Variants in MED12L observed in about 807,000 individuals in gnomAD.
The protein encoded by MED12L is mediator of RNA polymerase II transcription subunit 12-like protein.
Under a neutral mutation model 281.3 loss-of-function variants are expected in MED12L, and 60 were observed. The observed-to-expected ratio is 0.21, with a 90% CI of 0.17 to 0.26. The LOEUF is 0.26. Among genes scored for constraint, MED12L ranks in the 10% least tolerant of loss-of-function variants. MED12L has a pLI of 1.00. For synonymous variants in MED12L, 974 were observed against 987.2 expected (o/e 0.99, Z 0.25); for missense variants, 2,146 against 2,680.9 (o/e 0.80, Z 4.41).
chr3:151,096,612 G>A (rs556660107), intron 2 of MED12L, among the ~76,000 whole-genome samples: 1 of 152,264 alleles, frequency 6.6e-6, no homozygotes, highest in South Asian at 2.1e-4. Context: ...GAAGAAGCCT[G>A]TTCTGTTTTG....
chr3:151,285,574 G>T (rs906453961), intron 16 of MED12L, among the ~76,000 whole-genome samples: 3 of 151,820 alleles, frequency 2.0e-5, no homozygotes, highest in Non-Finnish European at 4.4e-5. Flanking sequence ...CTACACATTG[G>T]GTACATTGTA....
chr3:151,387,943 A>G lies in MED12L; in HGVS notation c.5222A>G (p.Gln1741Arg). The G allele has an allele frequency of 1.2e-6, 2 of 1,614,068 alleles. No individual in the cohort carries two copies. The highest frequency in any genetic ancestry group is 1.7e-6 in the Non-Finnish European group (2 of 1,179,996). ...CGAAGAGTGATCAAGTACGAGGAGC[A>G]GCATCACCTCCTGCTGTATCACACA... ...VDRRVIKYEE[Q>R]HHLLLYHTHP... Residue 1741 changes from glutamine (Q) to arginine (R), a missense_variant, in exon 37 of 45, where the codon CAG becomes CGG. Gln to Arg is a conservative substitution (Grantham distance 43). Transcript: ENST00000687756.
chr3:151,265,432 C>T (rs986895884), intron 16 of MED12L, among the ~76,000 whole-genome samples: 2 of 152,126 alleles, frequency 1.3e-5, no homozygotes, highest in Admixed American at 1.3e-4. Flanking sequence ...TCATTATCTT[C>T]TGCTTCTTTA....
chr3:151,260,335 T>G (rs1738624257), intron 16 of MED12L, among the ~76,000 whole-genome samples: 1 of 152,166 alleles, frequency 6.6e-6, no homozygotes, highest in African/African-American at 2.4e-5. Flanking sequence ...CTAATATCTT[T>G]TAAAAGCCAG....
intron 16 of MED12L, among the ~76,000 whole-genome samples, chr3:151,266,054 C>T (rs756869507): frequency 1.3e-5 from 2 of 152,188 alleles, no homozygotes; most frequent in Non-Finnish European, 2.9e-5. Flanking sequence ...TTCGACTTGG[C>T]AGTGTGCACA....
chr3:151,143,064 A>C (rs1186574238), intron 5 of MED12L, among the ~76,000 whole-genome samples: 1 of 152,242 alleles, frequency 6.6e-6, no homozygotes, highest in Non-Finnish European at 1.5e-5. Flanking sequence ...AATGAACATA[A>C]CATGCATCAT....
chr3:151,365,625 A>G (rs1475972532), intron 22 of MED12L, among the ~76,000 whole-genome samples: 1 of 152,130 alleles, frequency 6.6e-6, no homozygotes, highest in Non-Finnish European at 1.5e-5. Flanking sequence ...TCGTGTATGT[A>G]CTGATTATTG....
intron 8 of MED12L, 89 bp from the exon 9 acceptor site, chr3:151,163,804 G>A (rs1720323163): frequency 7.6e-7 from 1 of 1,321,080 alleles, no homozygotes; most frequent in Admixed American, 2.0e-5. Context: ...CAATAATACA[G>A]TGATGACAGG....
intron 16 of MED12L, among the ~76,000 whole-genome samples, chr3:151,257,939 C>T (rs1296054168): frequency 6.6e-6 from 1 of 152,214 alleles, no homozygotes; most frequent in Non-Finnish European, 1.5e-5. Context: ...CCTTCCCTCT[C>T]TAGCTTCTTT....
chr3:151,350,277 A>G (rs1402210555), intron 17 of MED12L, 71 bp downstream of exon 17: 18 of 1,495,374 alleles, frequency 1.2e-5, no homozygotes, highest in Non-Finnish European at 1.4e-5. Context: ...GTCTTTATCA[A>G]AGTGTTCTAT....
Position 151,086,829 on chromosome 3 carries a change from A to G in MED12L, c.-98A>G, listed in dbSNP as rs140379134. ...AGCGAGCGAGCGAGCGAGGAGGGGGAGAGAGGGAGTCTGTCTGCAAAGTGC... is the reference window on the plus strand; with the variant it reads ...AGCGAGCGAGCGAGCGAGGAGGGGGGGAGAGGGAGTCTGTCTGCAAAGTGC... On this transcript the variant is annotated 5_prime_UTR_variant, in exon 2 of 45. Coordinates refer to ENST00000687756, the MANE Select transcript of MED12L (RefSeq NM_001393769.1). 8.0e-3 allele frequency: 7,154 copies of G among 888,832 alleles called. 48 individuals carry two copies. Among genetic ancestry groups the G allele is most frequent in the Non-Finnish European group, 0.011 (6,255 of 588,132 alleles). The allele number at this position is 888,832 out of a possible 1,614,324, so 55.1% of individuals were successfully genotyped here.
At chr3:151,180,066 AATAT>A (rs1465426563) in intron 11 of MED12L, among the ~76,000 whole-genome samples, 1 of 152,216 alleles carries the variant, frequency 6.6e-6, no homozygotes, top group Non-Finnish European at 1.5e-5. Flanking sequence ...TTATTGGTTA[AATAT>A]AAGATTTTGA....
At chr3:151,275,280 A>G (rs1241735326) in intron 16 of MED12L, among the ~76,000 whole-genome samples, 2 of 152,064 alleles carry the variant, frequency 1.3e-5, no homozygotes, top group Non-Finnish European at 2.9e-5. Flanking sequence ...CAACTAACTG[A>G]TCTTTTCCTC....
At chr3:151,130,306 A>AT (rs1339716941) in intron 5 of MED12L, among the ~76,000 whole-genome samples, 1 of 152,214 alleles carries the variant, frequency 6.6e-6, no homozygotes, top group Admixed American at 6.5e-5. Flanking sequence ...CATTCCTGGT[A>AT]TTTATCTTTC....
chr3:151,193,711 T>C (rs749581594), intron 16 of MED12L, 45 bp downstream of exon 16: 3 of 1,471,478 alleles, frequency 2.0e-6, no homozygotes, highest in Admixed American at 1.8e-5. Context: ...TATTTTATTA[T>C]AAGATCAATA....
intron 16 of MED12L, among the ~76,000 whole-genome samples, chr3:151,242,441 T>C (rs958476031): frequency 1.1e-4 from 16 of 152,344 alleles, no homozygotes; most frequent in South Asian, 2.1e-4. Context: ...ACCGGCAGAC[T>C]GCCTCCTCAA....
intron 20 of MED12L, among the ~76,000 whole-genome samples, chr3:151,358,347 A>G (rs945338237): frequency 2.6e-5 from 4 of 152,108 alleles, no homozygotes; most frequent in African/African-American, 9.7e-5. Context: ...TGAATTTAGT[A>G]TTATTTTACA....
At chr3:151,143,106 G>C (rs1230658375) in intron 5 of MED12L, among the ~76,000 whole-genome samples, 1 of 152,240 alleles carries the variant, frequency 6.6e-6, no homozygotes, top group African/African-American at 2.4e-5. Flanking sequence ...ACACAGGAGT[G>C]AGTTCCGGAG....
intron 16 of MED12L, among the ~76,000 whole-genome samples, chr3:151,325,329 T>C (rs1382359853): frequency 6.6e-6 from 1 of 152,198 alleles, no homozygotes; most frequent in Non-Finnish European, 1.5e-5. Flanking sequence ...GAAGATCTTA[T>C]CCTATTTATT....
Sources: gnomAD v4.1 joint callset for allele counts (sites outside exome capture counted in the v4.1 genomes callset) on GRCh38, gnomAD v4.1.1 for gene constraint, MANE v1.5 for transcripts, NCBI Gene and HGNC (gene_info 2026-07-23, HGNC 2026-07-21) for gene names.